Variants in IL1RAPL1 observed in about 807,000 individuals in gnomAD.
IL1RAPL1 encodes the protein interleukin-1 receptor accessory protein-like 1.
A neutral mutation model predicts 48.4 loss-of-function variants in IL1RAPL1; 3 were observed. The ratio of observed to expected loss-of-function variants is 0.06; its 90% CI spans 0.03 to 0.16. IL1RAPL1 has a LOEUF of 0.16. Ranked by LOEUF, IL1RAPL1 falls within the 10% of genes least tolerant of loss-of-function variation. The probability of loss-of-function intolerance (pLI) is 1.00; values close to 1 mark genes in which losing one functional copy is unlikely to be tolerated. For missense variants in IL1RAPL1, 349 were observed against 530.6 expected (o/e 0.66, Z 3.36); for synonymous variants, 185 against 187.7 (o/e 0.99, Z 0.12).
At chrX:29,942,238 A>C (rs966556045) in intron 9 of IL1RAPL1, among the ~76,000 whole-genome samples, 24 of 112,368 alleles carry the variant, frequency 2.1e-4, no homozygotes, top group African/African-American at 7.8e-4. Flanking sequence ...TGTACTGAGT[A>C]TTTTAAATTC....
At chrX:28,783,005 G>A (rs767291927) in intron 1 of IL1RAPL1, among the ~76,000 whole-genome samples, 1 of 111,097 alleles carries the variant, frequency 9.0e-6, no homozygotes, top group African/African-American at 3.3e-5. Flanking sequence ...TGTTCTTTAA[G>A]CACTATTGGT....
intron 6 of IL1RAPL1, among the ~76,000 whole-genome samples, chrX:29,766,303 G>T (rs1276827794): frequency 1.1e-5 from 1 of 87,396 alleles, no homozygotes; most frequent in African/African-American, 4.6e-5. Context: ...ACTCCAGCCT[G>T]GGAGACAGAG....
chrX:29,790,038 CTCTG>C (rs1031999116), intron 6 of IL1RAPL1, among the ~76,000 whole-genome samples: 2 of 111,186 alleles, frequency 1.8e-5, no homozygotes, highest in Non-Finnish European at 3.8e-5. Flanking sequence ...ATGAATTTTT[CTCTG>C]TCTGGTATTT....
chrX:28,973,227 C>T (rs189372669), intron 2 of IL1RAPL1, among the ~76,000 whole-genome samples: 4 of 111,997 alleles, frequency 3.6e-5, no homozygotes. Flanking sequence ...TTTCTTCTTA[C>T]TTTGTTGTTT....
intron 2 of IL1RAPL1, among the ~76,000 whole-genome samples, chrX:29,168,275 G>A (rs760770444): frequency 9.3e-6 from 1 of 107,875 alleles, no homozygotes; most frequent in Non-Finnish European, 1.9e-5. Context: ...TAATAGAATA[G>A]CAAAACTTAT....
chrX:28,906,683 A>T (rs1374011949), intron 2 of IL1RAPL1, among the ~76,000 whole-genome samples: 3 of 111,799 alleles, frequency 2.7e-5, no homozygotes, highest in Non-Finnish European at 5.6e-5. Flanking sequence ...CTATTTAGGT[A>T]AATAATTTGA....
intron 6 of IL1RAPL1, among the ~76,000 whole-genome samples, chrX:29,885,978 T>G (rs1019947061): frequency 8.9e-6 from 1 of 112,192 alleles, no homozygotes. Context: ...TATTAACATT[T>G]TAAAAGATTG....
In IL1RAPL1 at chrX:29,641,343, C is replaced by T. The variant is rs745684220; in HGVS notation, c.704-27087C>T. Among the ~76,000 whole-genome samples the T allele has an allele frequency of 4.4e-5, 5 of 112,836 alleles. No individual in the cohort carries two copies. In the South Asian group the frequency reaches 1.1e-3, roughly 25 times the overall value. On this transcript the variant is annotated intron_variant, in intron 5 of 10. Transcript: ENST00000378993. Reference sequence around the variant, plus strand: ...CCGATTTCCTTAACTCATTCACCTGCGTATTCAATGGCCTTTTCATTTCTC... The same window carrying T: ...CCGATTTCCTTAACTCATTCACCTGTGTATTCAATGGCCTTTTCATTTCTC...
intron 1 of IL1RAPL1, among the ~76,000 whole-genome samples, chrX:28,630,186 T>G (rs1262474524): frequency 2.7e-5 from 3 of 111,647 alleles, no homozygotes; most frequent in African/African-American, 6.5e-5. Context: ...TCGACTTTTT[T>G]TTTGTTTGTT....
chrX:29,486,378 T>C (rs1483711954), intron 5 of IL1RAPL1, among the ~76,000 whole-genome samples: 6 of 110,221 alleles, frequency 5.4e-5, no homozygotes, highest in Non-Finnish European at 1.9e-5. Flanking sequence ...GATTTACTTT[T>C]TAGGAGAAAT....
At chrX:28,723,022 G>A (rs1601873687) in intron 1 of IL1RAPL1, among the ~76,000 whole-genome samples, 1 of 111,443 alleles carries the variant, frequency 9.0e-6, no homozygotes, top group East Asian at 2.8e-4. Context: ...TTTTTACATC[G>A]ATGTTCATCA....
intron 2 of IL1RAPL1, among the ~76,000 whole-genome samples, chrX:29,184,165 C>T (rs1034717063): frequency 1.8e-5 from 2 of 111,598 alleles, no homozygotes; most frequent in African/African-American, 6.5e-5. Flanking sequence ...ATAAAATATA[C>T]ACCGTCATCC....
At chrX:29,739,433 G>A (rs757035998) in intron 6 of IL1RAPL1, among the ~76,000 whole-genome samples, 1 of 110,929 alleles carries the variant, frequency 9.0e-6, no homozygotes, top group South Asian at 3.8e-4. Context: ...ATTTGGCTGT[G>A]GCAATCCTTG....
intron 2 of IL1RAPL1, among the ~76,000 whole-genome samples, chrX:29,196,282 C>T (rs369920872): frequency 2.7e-5 from 3 of 112,108 alleles, no homozygotes; most frequent in Admixed American, 9.5e-5. Flanking sequence ...CAATAAAGAA[C>T]GACAACTGCT....
intron 5 of IL1RAPL1, among the ~76,000 whole-genome samples, chrX:29,656,097 C>A (rs1416577877): frequency 8.9e-6 from 1 of 112,270 alleles, no homozygotes; most frequent in Non-Finnish European, 1.9e-5. Context: ...TGTTTTTAAT[C>A]CTTGGCCAGG....
At chrX:29,081,569 AC>A (rs1490640660) in intron 2 of IL1RAPL1, among the ~76,000 whole-genome samples, 1 of 111,675 alleles carries the variant, frequency 9.0e-6, no homozygotes, top group African/African-American at 3.3e-5. Flanking sequence ...TGTCCAAAGT[AC>A]CAGTAAGGTT....
intron 2 of IL1RAPL1, among the ~76,000 whole-genome samples, chrX:28,949,440 T>C (rs931851255): frequency 2.4e-4 from 27 of 111,572 alleles, no homozygotes; most frequent in African/African-American, 7.8e-4. Context: ...TGTAAAGTTT[T>C]ATTGGAACGC....
chrX:29,221,643 A>T (rs1263992984), intron 2 of IL1RAPL1, among the ~76,000 whole-genome samples: 1 of 86,935 alleles, frequency 1.2e-5, no homozygotes, highest in African/African-American at 4.9e-5. Context: ...ACACACACAC[A>T]CACACACACA....
intron 3 of IL1RAPL1, among the ~76,000 whole-genome samples, chrX:29,354,101 T>C (rs1161535748): frequency 9.0e-6 from 1 of 111,148 alleles, no homozygotes; most frequent in East Asian, 2.8e-4. Context: ...ATCAAGCCTA[T>C]GATTTTGTCA....
Sources: gnomAD v4.1 joint callset for allele counts (sites outside exome capture counted in the v4.1 genomes callset) on GRCh38, gnomAD v4.1.1 for gene constraint, MANE v1.5 for transcripts, NCBI Gene and HGNC (gene_info 2026-07-23, HGNC 2026-07-21) for gene names.